Variants in BST1 observed in about 807,000 individuals in gnomAD.
BST1 encodes the protein ADP-ribosyl cyclase/cyclic ADP-ribose hydrolase 2.
Under a neutral mutation model 40.6 loss-of-function variants are expected in BST1, and 49 were observed. That is an observed-to-expected ratio of 1.21 (90% CI 0.96 to 1.53). BST1 has a LOEUF of 1.53. BST1 is among the 40% of genes most tolerant of loss of function. The pLI is 0.00. For synonymous variants in BST1, 157 were observed against 159.3 expected (o/e 0.99, Z 0.11); for missense variants, 423 against 395.9 (o/e 1.07, Z -0.58).
chr4:15,704,941 A>G lies in BST1; in HGVS notation c.189-574A>G. On this transcript the variant is annotated intron_variant, in intron 1 of 8. Transcript: ENST00000265016. Reference sequence around the variant, plus strand: ...TCAGGCAAATAAGAAACAGCAGAGAACCACCTGTGTTACACACCACCCAGT... The same window carrying G: ...TCAGGCAAATAAGAAACAGCAGAGAGCCACCTGTGTTACACACCACCCAGT... 2.6e-6 allele frequency: 2 copies of G among 776,212 alleles called. 1 individual carries two copies. Among genetic ancestry groups the G allele is most frequent in the Non-Finnish European group, 4.8e-6 (2 of 416,364 alleles). The allele number at this position is 776,212 out of a possible 1,614,324, so 48.1% of individuals were successfully genotyped here.
downstream of BST1, among the ~76,000 whole-genome samples, chr4:15,736,553 T>G (rs1721573932): frequency 6.6e-6 from 1 of 151,030 alleles, no homozygotes; most frequent in African/African-American, 2.4e-5. Flanking sequence ...GAGGTTGCAG[T>G]GAGCCTAGAT....
At chr4:15,711,681 A>T in intron 3 of BST1, 126 bp from the exon 4 acceptor site, 1 of 763,342 alleles carries the variant, frequency 1.3e-6, no homozygotes, top group Non-Finnish European at 2.2e-6. Context: ...GTGGATGTTA[A>T]ACTTGTACAC....
In BST1 at chr4:15,722,896, C is replaced by A. The variant is rs373809408; in HGVS notation, c.813C>A (p.Cys271Ter). Residue 271 changes from cysteine (C) to a stop codon, truncating the protein, a stop_gained, in exon 8 of 9, where the codon TGC becomes TGA. Coordinates refer to ENST00000265016, the MANE Select transcript of BST1 (RefSeq NM_004334.3). LOFTEE classifies it low-confidence loss of function (END_TRUNC). Reference protein sequence around the residue: ...NDYRPVKLLQCVDHSTHPDCA... With the variant: ...NDYRPVKLLQ Reference sequence around the variant, plus strand: ...GTAGACCAGTGAAGCTCTTACAGTGCGTGGACCACAGCACCCATCCTGACT... The same window carrying A: ...GTAGACCAGTGAAGCTCTTACAGTGAGTGGACCACAGCACCCATCCTGACT... 7 of 1,613,506 alleles carry A rather than the reference C, an allele frequency of 4.3e-6. No individual in the cohort carries two copies. In the African/African-American group the frequency reaches 6.7e-5, roughly 15 times the overall value.
downstream of BST1, among the ~76,000 whole-genome samples, chr4:15,734,697 C>T (rs1269236487): frequency 6.6e-6 from 1 of 152,096 alleles, no homozygotes; most frequent in Non-Finnish European, 1.5e-5. Context: ...TTGATACTAA[C>T]TGGTTGCCTA....
chr4:15,720,106 C>T (rs1233208338), intron 7 of BST1, among the ~76,000 whole-genome samples: 1 of 152,138 alleles, frequency 6.6e-6, no homozygotes. Context: ...CTCAGCATCC[C>T]CAGGGGCTCC....
chr4:15,742,310 A>G (rs1170821010), downstream of BST1, among the ~76,000 whole-genome samples: 2 of 152,040 alleles, frequency 1.3e-5, no homozygotes, highest in Non-Finnish European at 2.9e-5. Flanking sequence ...TGGGTGTGTG[A>G]GTTCTCACTG....
At position 15,715,349 on chromosome 4, in the gene BST1, A is replaced by T. The variant is rs1720451854; in HGVS notation, c.599A>T (p.Tyr200Phe). 6.2e-7 allele frequency: 1 copy of T among 1,614,156 alleles called. No individual in the cohort carries two copies. Among genetic ancestry groups the T allele is most frequent in the East Asian group, 2.2e-5 (1 of 44,872 alleles). The change falls in exon 5 of 9, where the codon TAT (tyrosine) becomes TTT (phenylalanine). Residue 200 changes from tyrosine (Y) to phenylalanine (F), a missense_variant. Transcript: ENST00000265016. ...MLNGSEPTGA[Y>F]PIKGFFADYE... ...AATGGTTCAGAGCCAACAGGAGCCT[A>T]TCCCATCAAAGGGTAAGAACACCAG... is the stretch of plus-strand genomic sequence containing the variant.
intron 1 of BST1, 80 bp downstream of exon 1, chr4:15,703,412 A>G (rs1236127998): frequency 2.7e-6 from 4 of 1,455,498 alleles, no homozygotes; most frequent in Non-Finnish European, 3.6e-6. Flanking sequence ...AACTGGCGCT[A>G]AAGTTCGGGG....
the BST1 span, among the ~76,000 whole-genome samples, chr4:15,749,912 C>T: frequency 6.6e-6 from 1 of 150,948 alleles, no homozygotes; most frequent in Non-Finnish European, 1.5e-5. Context: ...TGTTATCAAA[C>T]AGTAGGTCTT....
rs770474443 is a variant in BST1, at chr4:15,715,287, T to G, written c.537T>G (p.Tyr179Ter). 2.0e-5 allele frequency: 32 copies of G among 1,613,948 alleles called. No homozygotes were observed. The highest frequency in any genetic ancestry group is 2.5e-5 in the Non-Finnish European group (30 of 1,179,846). ...AAAATACTTGGTTCTTCTCGTAGTA[T>G]TCCAAGGATAGTTCTGGGGTGATCC... ...DSFWKRASIQ[Y>*]SKDSSGVIHV... Residue 179 changes from tyrosine (Y) to a stop codon, truncating the protein, a stop_gained and splice_region_variant, in exon 5 of 9, where the codon TAT (tyrosine) becomes TAG (stop). Transcript: ENST00000265016. LOFTEE classifies it high-confidence loss of function.
At chr4:15,738,214 G>A (rs1471088220) in exon 7 of BST1, 1 of 169,950 alleles carries the variant, frequency 5.9e-6, no homozygotes, top group African/African-American at 2.4e-5. Flanking sequence ...CTATGTATGT[G>A]TGGGGACAGA....
chr4:15,751,096 T>C, the BST1 span, among the ~76,000 whole-genome samples: 62 of 152,162 alleles, frequency 4.1e-4, no homozygotes, highest in Middle Eastern at 3.4e-3. Flanking sequence ...TGTAACAGAG[T>C]TCATGCACTA....
In BST1 at chr4:15,718,949, GC is replaced by G; in HGVS notation, c.748del (p.Leu250Ter). The G allele has an allele frequency of 6.2e-7, 1 of 1,614,084 alleles. No individual in the cohort carries two copies. Among genetic ancestry groups the G allele is most frequent in the Non-Finnish European group, 8.5e-7 (1 of 1,179,966 alleles). ...GCAGCATGAAAGTCCTGGAAAAGAG[GC>G]TGAAGGACATGGGGTTCCAGTACAG... is the stretch of plus-strand genomic sequence containing the variant. Reference protein sequence around the residue: ...EGSMKVLEKRLKDMGFQYSCI... With the variant: ...EGSMKVLEKRXKDMGFQYSCI... On this transcript the variant is annotated frameshift_variant, in exon 7 of 9. Transcript: ENST00000265016. LOFTEE classifies it high-confidence loss of function.
rs982302083 is a variant in BST1 at position 15,732,015 on chromosome 4, A to G, written c.*170A>G. ...GAGGCATATGTTCAGGATTTCAGAA[A>G]CAAGAAGTTAGTTCTATTTAGCAGG... On this transcript the variant is annotated 3_prime_UTR_variant, in exon 9 of 9. Coordinates refer to ENST00000265016, the MANE Select transcript of BST1 (RefSeq NM_004334.3). 2.3e-6 allele frequency: 3 copies of G among 1,326,390 alleles called. No homozygotes were observed. In the African/African-American group the frequency reaches 4.5e-5, roughly 20 times the overall value. The allele number at this position is 1,326,390 out of a possible 1,614,324, so 82.2% of individuals were successfully genotyped here.
At chr4:15,717,543 T>A (rs1208025108) in intron 6 of BST1, among the ~76,000 whole-genome samples, 2 of 152,212 alleles carry the variant, frequency 1.3e-5, no homozygotes, top group Non-Finnish European at 2.9e-5. Context: ...ACTCTCATAC[T>A]TTATCAGGGT....
chr4:15,737,916 C>A, exon 7 of BST1: 4 of 765,736 alleles, frequency 5.2e-6, no homozygotes, highest in Non-Finnish European at 7.8e-6. Context: ...CAATTGCATG[C>A]CTGCCTAGTC....
intron 8 of BST1, among the ~76,000 whole-genome samples, chr4:15,728,380 T>C (rs903798713): frequency 2.0e-5 from 3 of 152,014 alleles, no homozygotes; most frequent in African/African-American, 7.2e-5. Flanking sequence ...ATGTAGCATA[T>C]AAGAACAGCT....
rs58225702 is a variant in BST1, at chr4:15,726,136, GTTTT to G, written c.851+3218_851+3221del. Among the ~76,000 whole-genome samples the G allele has an allele frequency of 5.7e-4, 61 of 107,580 alleles. 1 individual carries two copies. The highest frequency in any genetic ancestry group is 2.2e-3 in the African/African-American group (61 of 27,680). The allele number at this position is 107,580 out of a possible 152,430, so 70.6% of individuals were successfully genotyped here. A position where few individuals can be genotyped will look rare whatever the true frequency, so the allele number is the denominator to read the frequency against. On this transcript the variant is annotated intron_variant, in intron 8 of 8. Transcript: ENST00000265016. ...ACCACTACGCCAGCTAACTTTTAAAGTTTTTTTTTTTTTTTTTTTGTAGAGATGA... is the reference window on the plus strand; with the variant it reads ...ACCACTACGCCAGCTAACTTTTAAAGTTTTTTTTTTTTTTTGTAGAGATGA...
intron 8 of BST1, among the ~76,000 whole-genome samples, chr4:15,724,634 C>T (rs529280899): frequency 2.0e-5 from 3 of 151,822 alleles, no homozygotes; most frequent in South Asian, 2.1e-4. Flanking sequence ...TGCAGTGAGC[C>T]GAGATTGCAC....
Sources: gnomAD v4.1 joint callset for allele counts (sites outside exome capture counted in the v4.1 genomes callset) on GRCh38, gnomAD v4.1.1 for gene constraint, MANE v1.5 for transcripts, NCBI Gene and HGNC (gene_info 2026-07-23, HGNC 2026-07-21) for gene names.